The following ADAMTS12 variants were observed in gnomAD, a reference collection of about 807,000 sequenced individuals.
ADAMTS12 encodes the protein A disintegrin and metalloproteinase with thrombospondin motifs 12.
In ADAMTS12, 118 loss-of-function variants were observed where a neutral mutation model predicts 167.8. The observed-to-expected ratio is 0.70, with a 90% CI of 0.61 to 0.82. ADAMTS12 has a LOEUF of 0.82. Among genes scored for constraint, ADAMTS12 ranks in the 40% least tolerant of loss-of-function variants. The pLI is 0.00. For synonymous variants in ADAMTS12, 704 were observed against 716.9 expected (o/e 0.98, Z 0.29); for missense variants, 1,916 against 1,998.8 (o/e 0.96, Z 0.79).
chr5:33,741,014 T>C (rs778617815), intron 3 of ADAMTS12, among the ~76,000 whole-genome samples: 13 of 152,226 alleles, frequency 8.5e-5, no homozygotes, highest in Admixed American at 3.9e-4. Context: ...ATGGAACTCT[T>C]TCTAGTGTAA....
chr5:33,655,549 T>C (rs1316690528), intron 7 of ADAMTS12, among the ~76,000 whole-genome samples: 1 of 151,984 alleles, frequency 6.6e-6, no homozygotes, highest in Non-Finnish European at 1.5e-5. Flanking sequence ...TCCCTACTGG[T>C]ATTTCCTTTA....
intron 6 of ADAMTS12, among the ~76,000 whole-genome samples, 179 bp downstream of exon 6, chr5:33,661,737 T>G (rs1305375878): frequency 6.6e-6 from 1 of 152,184 alleles, no homozygotes; most frequent in African/African-American, 2.4e-5. Context: ...ATTAGCAAGT[T>G]TGTTAAACTG....
At chr5:33,869,964 G>T (rs1311046436) in intron 2 of ADAMTS12, among the ~76,000 whole-genome samples, 1 of 152,178 alleles carries the variant, frequency 6.6e-6, no homozygotes, top group Non-Finnish European at 1.5e-5. Context: ...CCCTGGGAAT[G>T]CATTCTTTTC....
At chr5:33,786,739 G>C (rs1409069773) in intron 2 of ADAMTS12, among the ~76,000 whole-genome samples, 1 of 152,204 alleles carries the variant, frequency 6.6e-6, no homozygotes, top group Non-Finnish European at 1.5e-5. Context: ...TTTCAGCACT[G>C]TGGCAGTGCA....
At chr5:33,680,170 C>T (rs959806709) in intron 5 of ADAMTS12, among the ~76,000 whole-genome samples, 2 of 152,170 alleles carry the variant, frequency 1.3e-5, no homozygotes, top group African/African-American at 4.8e-5. Flanking sequence ...CCATGGCTTC[C>T]TGAAGCAAGT....
intron 3 of ADAMTS12, among the ~76,000 whole-genome samples, chr5:33,742,460 T>C (rs1395294266): frequency 1.3e-5 from 2 of 152,088 alleles, no homozygotes; most frequent in African/African-American, 4.8e-5. Context: ...GACAAATTCA[T>C]AGTTATCATT....
At chr5:33,699,239 A>G (rs1363467118) in intron 3 of ADAMTS12, among the ~76,000 whole-genome samples, 1 of 152,160 alleles carries the variant, frequency 6.6e-6, no homozygotes. Flanking sequence ...AACAGAACAG[A>G]GAACTCAGAA....
At chr5:33,581,975 T>G (rs1321096068) in intron 18 of ADAMTS12, among the ~76,000 whole-genome samples, 1 of 152,096 alleles carries the variant, frequency 6.6e-6, no homozygotes, top group Non-Finnish European at 1.5e-5. Flanking sequence ...GGGAAAGGCG[T>G]GGAACAATTC....
chr5:33,652,766 G>A (rs1331244943), intron 7 of ADAMTS12, among the ~76,000 whole-genome samples: 4 of 151,994 alleles, frequency 2.6e-5, no homozygotes, highest in Non-Finnish European at 4.4e-5. Flanking sequence ...TTAAGTCTTC[G>A]ATCAATCTTG....
chr5:33,665,434 T>C (rs1433174555), intron 5 of ADAMTS12, among the ~76,000 whole-genome samples: 1 of 152,236 alleles, frequency 6.6e-6, no homozygotes, highest in African/African-American at 2.4e-5. Flanking sequence ...ATGTATGCGT[T>C]AATTAGCCTG....
At chr5:33,886,160 T>G (rs1349581468) in intron 1 of ADAMTS12, among the ~76,000 whole-genome samples, 4 of 152,246 alleles carry the variant, frequency 2.6e-5, no homozygotes, top group African/African-American at 9.6e-5. Flanking sequence ...GACTAAAGTT[T>G]GCCTATGCCC....
intron 19 of ADAMTS12, among the ~76,000 whole-genome samples, chr5:33,573,314 A>C (rs1352517220): frequency 6.6e-6 from 1 of 152,244 alleles, no homozygotes; most frequent in Non-Finnish European, 1.5e-5. Context: ...CCAAAAGAAC[A>C]AAGCCAGAGG....
At chr5:33,849,145 CATAGCA>C (rs1396858365) in intron 2 of ADAMTS12, among the ~76,000 whole-genome samples, 7 of 86,518 alleles carry the variant, frequency 8.1e-5, no homozygotes, top group Non-Finnish European at 1.6e-4. Flanking sequence ...ATATGTATTG[CATAGCA>C]ATATATATAT....
At chr5:33,780,084 T>G (rs542014990) in intron 2 of ADAMTS12, among the ~76,000 whole-genome samples, 3 of 152,306 alleles carry the variant, frequency 2.0e-5, no homozygotes, top group Admixed American at 2.0e-4. Context: ...TGTTGCATAC[T>G]GTAAATATAT....
intron 2 of ADAMTS12, among the ~76,000 whole-genome samples, chr5:33,823,941 T>C (rs1460280574): frequency 6.6e-6 from 1 of 152,174 alleles, no homozygotes; most frequent in Non-Finnish European, 1.5e-5. Flanking sequence ...ACTGTGGTGA[T>C]CATTATGCTA....
chr5:33,696,318 G>T (rs1298153274), intron 3 of ADAMTS12, among the ~76,000 whole-genome samples: 1 of 151,702 alleles, frequency 6.6e-6, no homozygotes, highest in East Asian at 1.9e-4. Context: ...CTACTCGGGA[G>T]GCTGAGGCAG....
At chr5:33,831,905 C>A (rs1748314962) in intron 2 of ADAMTS12, among the ~76,000 whole-genome samples, 1 of 152,210 alleles carries the variant, frequency 6.6e-6, no homozygotes. Flanking sequence ...GAGGTCCTCT[C>A]AAGGACTCCT....
At chr5:33,759,393 T>C (rs1745272577) in intron 2 of ADAMTS12, among the ~76,000 whole-genome samples, 1 of 152,254 alleles carries the variant, frequency 6.6e-6, no homozygotes, top group African/African-American at 2.4e-5. Context: ...CAGCACCCAA[T>C]TCCAGCATTA....
intron 1 of ADAMTS12, among the ~76,000 whole-genome samples, chr5:33,883,617 T>C (rs2111785913): frequency 6.6e-6 from 1 of 152,096 alleles, no homozygotes; most frequent in East Asian, 1.9e-4. Context: ...TCATGGAAAA[T>C]ACACACACAC....
Sources: gnomAD v4.1 joint callset for allele counts (sites outside exome capture counted in the v4.1 genomes callset) on GRCh38, gnomAD v4.1.1 for gene constraint, MANE v1.5 for transcripts, NCBI Gene and HGNC (gene_info 2026-07-23, HGNC 2026-07-21) for gene names.